The following TRAPPC11 variants were observed in gnomAD, a reference collection of about 807,000 sequenced individuals.
TRAPPC11 encodes trafficking protein particle complex subunit 11, also known as foie gras homolog.
TRAPPC11 carries 104 observed loss-of-function variants against 151.2 expected under a neutral mutation model. That is an observed-to-expected ratio of 0.69 (90% CI 0.59 to 0.81). TRAPPC11 has a LOEUF of 0.81. Ranked by LOEUF, TRAPPC11 falls within the 30% of genes least tolerant of loss-of-function variation. The probability of loss-of-function intolerance (pLI) is 0.00; values close to 1 mark genes in which losing one functional copy is unlikely to be tolerated. For missense variants in TRAPPC11, 1,230 were observed against 1,349.6 expected (o/e 0.91, Z 1.39); for synonymous variants, 456 against 472.3 (o/e 0.97, Z 0.45).
In TRAPPC11 at chr4:183,707,527, TC is replaced by T. The variant is rs555351397; in HGVS notation, c.3189+589del. 1.7e-4 allele frequency among the ~76,000 whole-genome samples: 26 copies of T among 152,260 alleles called. No homozygotes were observed. The East Asian group carries it at 4.8e-3, about 28-fold the overall frequency. On this transcript the variant is annotated intron_variant, in intron 28 of 29. Coordinates refer to ENST00000334690, the MANE Select transcript of TRAPPC11 (RefSeq NM_021942.6). ...AAACCATGCTTCAGTGAGAGTCCTG[TC>T]CTCCACTGTCAGAGGGATAACAGAG... is the stretch of plus-strand genomic sequence containing the variant.
rs111940176 is a variant in TRAPPC11 at position 183,701,505 on chromosome 4, G to A, written c.2852-192G>A. The A allele has an allele frequency of 9.5e-4, 493 of 520,502 alleles. 1 individual carries two copies. Among genetic ancestry groups the A allele is most frequent in the African/African-American group, 8.2e-3 (432 of 52,654 alleles). 32.2% of individuals were successfully genotyped at this position (520,502 alleles called of 1,614,324 possible). A position where few individuals can be genotyped will look rare whatever the true frequency, so the allele number is the denominator to read the frequency against. ...TGGATTTTACTGTGATGGAATATTG[G>A]TACATTAGCAAAAACAGTGGACTTT... is the stretch of plus-strand genomic sequence containing the variant. On this transcript the variant is annotated intron_variant, in intron 25 of 29. Coordinates refer to ENST00000334690, the MANE Select transcript of TRAPPC11 (RefSeq NM_021942.6).
intron 1 of TRAPPC11, among the ~76,000 whole-genome samples, chr4:183,661,991 C>CGT: frequency 6.6e-6 from 1 of 151,950 alleles, no homozygotes; most frequent in African/African-American, 2.4e-5. Context: ...TCTTGAACTC[C>CGT]TGGCCTCAAC....
At chr4:183,705,223 A>G (rs1736997108) in intron 27 of TRAPPC11, among the ~76,000 whole-genome samples, 153 bp downstream of exon 27, 1 of 152,130 alleles carries the variant, frequency 6.6e-6, no homozygotes, top group African/African-American at 2.4e-5. Context: ...CTCTACTTCT[A>G]CACACTCCTC....
At chr4:183,706,253 G>A (rs1561064258) in intron 27 of TRAPPC11, among the ~76,000 whole-genome samples, 1 of 152,236 alleles carries the variant, frequency 6.6e-6, no homozygotes, top group Non-Finnish European at 1.5e-5. Flanking sequence ...GCTGGGCGCG[G>A]TGGCTCACGC....
chr4:183,662,551 ATTG>A (rs1561022732), intron 1 of TRAPPC11, among the ~76,000 whole-genome samples: 1 of 152,108 alleles, frequency 6.6e-6, no homozygotes, highest in African/African-American at 2.4e-5. Flanking sequence ...GTTTCCATTC[ATTG>A]TTAGTTTTTC....
In TRAPPC11 at chr4:183,693,621, A is replaced by G. The variant is rs528458079; in HGVS notation, c.2270A>G (p.His757Arg). Residue 757 changes from histidine (H) to arginine (R), a missense_variant, in exon 21 of 30, where the codon CAT (histidine) becomes CGT (arginine). Transcript: ENST00000334690. ...TCCAGAGTCCCAAACATTTCTGTAC[A>G]TCTGCTACATGAACCCCCTGCACTG... ...IISRVPNISV[H>R]LLHEPPALTN... 4.3e-6 allele frequency: 7 copies of G among 1,613,884 alleles called. No individual in the cohort carries two copies. The Admixed American group carries it at 8.3e-5, about 19-fold the overall frequency.
chr4:183,709,222 G>T (rs1169197668), intron 29 of TRAPPC11, among the ~76,000 whole-genome samples: 2 of 152,088 alleles, frequency 1.3e-5, no homozygotes, highest in African/African-American at 4.8e-5. Flanking sequence ...ATATGTCACT[G>T]CTGTGCGCCC....
At chr4:183,670,144 A>G (rs188415015) in intron 5 of TRAPPC11, among the ~76,000 whole-genome samples, 18 of 152,320 alleles carry the variant, frequency 1.2e-4, no homozygotes, top group Admixed American at 9.8e-4. Context: ...GAAGTAGTGG[A>G]GCTACTGATG....
intron 2 of TRAPPC11, among the ~76,000 whole-genome samples, chr4:183,665,943 T>C (rs956654997): frequency 6.6e-6 from 1 of 151,766 alleles, no homozygotes; most frequent in African/African-American, 2.4e-5. Context: ...TTTTTTTTTT[T>C]TTTTCTTTAG....
chr4:183,701,601 G>A lies in TRAPPC11; in HGVS notation c.2852-96G>A. 7 of 803,428 alleles carry A rather than the reference G, an allele frequency of 8.7e-6. No homozygotes were observed. The South Asian group carries it at 8.7e-5, about 10-fold the overall frequency. The allele number at this position is 803,428 out of a possible 1,614,324, so 49.8% of individuals were successfully genotyped here. The stretch of plus-strand genomic sequence containing the variant: ...AGTCTCTACAAGTAATATATAGTGG[G>A]TGAGGTGTTCTTTCTTTGTTCTGTT... On this transcript the variant is annotated intron_variant, in intron 25 of 29. Transcript: ENST00000334690.
Position 183,693,720 on chromosome 4 carries a change from C to G in TRAPPC11, c.2369C>G (p.Thr790Ser). Reference sequence around the variant, plus strand: ...ACCCAAATCAGAGATGTGAAGCTCACCGCTGGCTTAAAACCAGGTAAGCAT... The same window carrying G: ...ACCCAAATCAGAGATGTGAAGCTCAGCGCTGGCTTAAAACCAGGTAAGCAT... ...EKTQIRDVKL[T>S]AGLKPGQDAN... is the part of the protein sequence containing the mutation. The change falls in exon 21 of 30, where the codon ACC becomes AGC. Residue 790 changes from threonine to serine, a missense_variant. Coordinates refer to ENST00000334690, the MANE Select transcript of TRAPPC11 (RefSeq NM_021942.6). The G allele has an allele frequency of 5.0e-6, 8 of 1,613,606 alleles. No homozygotes were observed. Among genetic ancestry groups the G allele is most frequent in the Non-Finnish European group, 6.8e-6 (8 of 1,179,910 alleles).
chr4:183,662,346 C>A (rs1734595434), intron 1 of TRAPPC11, among the ~76,000 whole-genome samples: 1 of 118,156 alleles, frequency 8.5e-6, no homozygotes, highest in African/African-American at 3.5e-5. Flanking sequence ...CAGAGTGATA[C>A]TCCGTCTCAA....
At chr4:183,692,414 G>T (rs1207636279) in intron 19 of TRAPPC11, among the ~76,000 whole-genome samples, 1 of 149,322 alleles carries the variant, frequency 6.7e-6, no homozygotes, top group Non-Finnish European at 1.5e-5. Context: ...TGCCCTAATT[G>T]CATATTTTAT....
At chr4:183,677,101 A>G (rs1465603542) in intron 7 of TRAPPC11, among the ~76,000 whole-genome samples, 2 of 152,136 alleles carry the variant, frequency 1.3e-5, no homozygotes, top group African/African-American at 2.4e-5. Flanking sequence ...TGCTAATAAA[A>G]TTTCTATTTG....
At chr4:183,707,648 A>G (rs555656239) in intron 28 of TRAPPC11, among the ~76,000 whole-genome samples, 41 of 152,344 alleles carry the variant, frequency 2.7e-4, no homozygotes, top group African/African-American at 9.6e-4. Flanking sequence ...ATCCTGACTA[A>G]TTAACTGCTC....
At chr4:183,701,430 G>T in intron 25 of TRAPPC11, 2 of 315,874 alleles carry the variant, frequency 6.3e-6, no homozygotes, top group African/African-American at 2.1e-5. Flanking sequence ...TAAGCTTTTT[G>T]CATTCATTAG....
At chr4:183,683,225 T>C (rs1363421668) in intron 11 of TRAPPC11, among the ~76,000 whole-genome samples, 1 of 152,192 alleles carries the variant, frequency 6.6e-6, no homozygotes, top group Non-Finnish European at 1.5e-5. Flanking sequence ...GTTGTCTTAT[T>C]TAAATATTTT....
chr4:183,665,087 C>CT (rs1412213264), intron 2 of TRAPPC11, among the ~76,000 whole-genome samples: 2 of 115,810 alleles, frequency 1.7e-5, no homozygotes, highest in Non-Finnish European at 3.6e-5. Flanking sequence ...TTTTTCTTTT[C>CT]TTTCTTTTTT....
intron 4 of TRAPPC11, 95 bp downstream of exon 4, chr4:183,667,225 A>G (rs1195585321): frequency 2.2e-6 from 2 of 926,402 alleles, no homozygotes; most frequent in Non-Finnish European, 3.4e-6. Flanking sequence ...TCTTTTATGC[A>G]TTCAGTTATG....
Sources: gnomAD v4.1 joint callset for allele counts (sites outside exome capture counted in the v4.1 genomes callset) on GRCh38, gnomAD v4.1.1 for gene constraint, MANE v1.5 for transcripts, NCBI Gene and HGNC (gene_info 2026-07-23, HGNC 2026-07-21) for gene names.